GRHL2: variants seen among roughly 807,000 people sequenced by gnomAD.
GRHL2 encodes grainyhead like transcription factor 2.
GRHL2 carries 21 observed loss-of-function variants against 83.8 expected under a neutral mutation model. That is an observed-to-expected ratio of 0.25 (90% CI 0.18 to 0.36). The LOEUF is 0.36. GRHL2 is among the 10% of genes least tolerant of loss of function. The pLI, the probability that GRHL2 is intolerant of heterozygous loss-of-function variation, is 1.00. For missense variants in GRHL2, 623 were observed against 781.8 expected (o/e 0.80, Z 2.42); for synonymous variants, 280 against 278.9 (o/e 1.00, Z -0.04).
chr8:101,673,695 C>T (rs1287354165), downstream of GRHL2, among the ~76,000 whole-genome samples: 20 of 152,026 alleles, frequency 1.3e-4, 1 homozygote, highest in Admixed American at 1.3e-3. Flanking sequence ...CTCAGCTCTG[C>T]ACCAAGAGGA....
At chr8:101,492,859 GTTT>G in intron 1 of GRHL2, 70 bp downstream of exon 1, 1 of 1,441,244 alleles carries the variant, frequency 6.9e-7, no homozygotes, top group Non-Finnish European at 9.8e-7. Flanking sequence ...GGTTTGTTAT[GTTT>G]TTGTTTTTAA....
chr8:101,554,363 G>A (rs1195951183), intron 3 of GRHL2, among the ~76,000 whole-genome samples: 3 of 152,172 alleles, frequency 2.0e-5, no homozygotes, highest in Admixed American at 1.3e-4. Context: ...GCTTAGTCCT[G>A]TGCCAGAATT....
At chr8:101,536,022 A>G (rs533156268) in intron 1 of GRHL2, among the ~76,000 whole-genome samples, 1 of 152,350 alleles carries the variant, frequency 6.6e-6, no homozygotes, top group East Asian at 1.9e-4. Flanking sequence ...GGACTTTGAT[A>G]AGAGCACAAT....
chr8:101,677,800 G>T, the GRHL2 span, among the ~76,000 whole-genome samples: 2 of 152,004 alleles, frequency 1.3e-5, no homozygotes, highest in Admixed American at 1.3e-4. Context: ...TTTTATGTTA[G>T]CACCCAGTAC....
chr8:101,644,530 G>A (rs1257174638), intron 13 of GRHL2, among the ~76,000 whole-genome samples: 2 of 152,200 alleles, frequency 1.3e-5, no homozygotes, highest in Non-Finnish European at 2.9e-5. Flanking sequence ...TGTGTGGACA[G>A]TCATACCTCA....
rs761786466 is a variant in GRHL2 at position 101,636,883 on chromosome 8, G to A, written c.1486-14G>A. On this transcript the variant is annotated splice_polypyrimidine_tract_variant and intron_variant, in intron 11 of 15. Transcript: ENST00000646743. The stretch of plus-strand genomic sequence containing the variant: ...GTCTCTGACCTACAGTAAGCCTATT[G>A]TTTTGTTCCACAGGTGTATTACAAC... 5 of 1,612,366 alleles carry A rather than the reference G, an allele frequency of 3.1e-6. No homozygotes were observed. In the South Asian group the frequency reaches 3.3e-5, roughly 11 times the overall value.
intron 1 of GRHL2, among the ~76,000 whole-genome samples, chr8:101,506,044 G>C (rs1810334877): frequency 6.6e-6 from 1 of 152,226 alleles, no homozygotes; most frequent in Admixed American, 6.5e-5. Flanking sequence ...AATAGTTCTA[G>C]AGTGTGGAAG....
intron 1 of GRHL2, among the ~76,000 whole-genome samples, chr8:101,530,168 C>T (rs1206340121): frequency 3.3e-5 from 5 of 152,184 alleles, no homozygotes; most frequent in Non-Finnish European, 7.3e-5. Context: ...ACACATTAAC[C>T]CCTCCTGCAC....
Position 101,543,296 on chromosome 8 carries a change from C to A in GRHL2, c.76C>A (p.Arg26=). ...GCCCAGTGACCCTCCATTCAATACC[C>A]GAAGAGCCTACACCAGTGAGGATGA... is the stretch of plus-strand genomic sequence containing the variant. ...PMPSDPPFNT[R]RAYTSEDEAW... is the part of the protein sequence containing the mutation. Residue 26 remains arginine (R), a synonymous_variant, in exon 2 of 16, where the codon CGA becomes AGA. Coordinates refer to ENST00000646743, the MANE Select transcript of GRHL2 (RefSeq NM_024915.4). 6.2e-7 allele frequency: 1 copy of A among 1,613,974 alleles called. No homozygotes were observed. The highest frequency in any genetic ancestry group is 8.5e-7 in the Non-Finnish European group (1 of 1,179,946).
At chr8:101,528,693 C>G in intron 1 of GRHL2, 1 of 226,390 alleles carries the variant, frequency 4.4e-6, no homozygotes, top group South Asian at 6.5e-5. Flanking sequence ...AGGCTCTTTT[C>G]CTATTCTTTG....
chr8:101,508,654 C>A (rs1308088264), intron 1 of GRHL2, among the ~76,000 whole-genome samples: 2 of 152,110 alleles, frequency 1.3e-5, no homozygotes, highest in East Asian at 3.8e-4. Context: ...TTTAAAGTCC[C>A]CTGATCAATG....
chr8:101,550,405 AC>A (rs1310246284), intron 2 of GRHL2, among the ~76,000 whole-genome samples: 2 of 151,800 alleles, frequency 1.3e-5, no homozygotes, highest in African/African-American at 4.8e-5. Flanking sequence ...GTCAATGTGA[AC>A]CCAATGTTTA....
chr8:101,614,594 G>C (rs1812817394), intron 8 of GRHL2, among the ~76,000 whole-genome samples: 1 of 152,102 alleles, frequency 6.6e-6, no homozygotes, highest in South Asian at 2.1e-4. Context: ...ATGAACATTT[G>C]GTAGAGGAAA....
At chr8:101,556,190 C>T (rs1355784254) in intron 3 of GRHL2, among the ~76,000 whole-genome samples, 2 of 152,198 alleles carry the variant, frequency 1.3e-5, no homozygotes, top group Non-Finnish European at 2.9e-5. Context: ...CTCCCGACCT[C>T]AGGTGATCCA....
intron 2 of GRHL2, among the ~76,000 whole-genome samples, chr8:101,552,071 G>A (rs1320026690): frequency 1.3e-5 from 2 of 151,970 alleles, no homozygotes; most frequent in African/African-American, 2.4e-5. Context: ...TCCTGACCTC[G>A]TGATCCGCCC....
At chr8:101,656,905 C>CAG (rs1002525071) in intron 14 of GRHL2, among the ~76,000 whole-genome samples, 4 of 149,682 alleles carry the variant, frequency 2.7e-5, no homozygotes, top group Non-Finnish European at 5.9e-5. Context: ...CACACACACA[C>CAG]AGGCAATGAC....
chr8:101,534,929 C>G (rs1400858028), intron 1 of GRHL2, among the ~76,000 whole-genome samples: 1 of 152,180 alleles, frequency 6.6e-6, no homozygotes, highest in African/African-American at 2.4e-5. Context: ...TTGCTCTTCT[C>G]TAATCCTCAT....
chr8:101,678,133 G>A, the GRHL2 span, among the ~76,000 whole-genome samples: 33 of 152,280 alleles, frequency 2.2e-4, no homozygotes, highest in Middle Eastern at 6.8e-3. Context: ...CGTGAGCGAC[G>A]CAGAAGACGG....
intron 1 of GRHL2, among the ~76,000 whole-genome samples, chr8:101,494,152 C>T (rs1163550038): frequency 1.3e-5 from 2 of 152,042 alleles, no homozygotes; most frequent in South Asian, 4.2e-4. Context: ...AGGGCCGGTG[C>T]CCCAAGGCCG....
Sources: gnomAD v4.1 joint callset for allele counts (sites outside exome capture counted in the v4.1 genomes callset) on GRCh38, gnomAD v4.1.1 for gene constraint, MANE v1.5 for transcripts, NCBI Gene and HGNC (gene_info 2026-07-23, HGNC 2026-07-21) for gene names.